The following ALPK2 variants were observed in gnomAD, a reference collection of about 807,000 sequenced individuals.
ALPK2 encodes the protein alpha kinase 2.
In ALPK2, 127 loss-of-function variants were observed where a neutral mutation model predicts 163.1. The observed-to-expected ratio is 0.78, with a 90% confidence interval of 0.67 to 0.90. ALPK2 has a LOEUF of 0.90. Ranked by LOEUF, ALPK2 falls within the 40% of genes least tolerant of loss-of-function variation. ALPK2 has a pLI of 0.00. For synonymous variants in ALPK2, 953 were observed against 959.1 expected, an observed-to-expected ratio of 0.99 and a Z score of 0.12; for missense variants, 2,360 against 2,589.6, an observed-to-expected ratio of 0.91 and a Z score of 1.92.
At chr18:58,510,841 T>A (rs1280433938) in intron 10 of ALPK2, among the ~76,000 whole-genome samples, 2 of 152,210 alleles carry the variant, frequency 1.3e-5, no homozygotes, top group African/African-American at 4.8e-5. Flanking sequence ...ACAGGGACAA[T>A]TTGACTTTCT....
At chr18:58,601,672 T>C (rs1474571772) in intron 3 of ALPK2, among the ~76,000 whole-genome samples, 1 of 152,036 alleles carries the variant, frequency 6.6e-6, no homozygotes, top group Non-Finnish European at 1.5e-5. Flanking sequence ...CCAACAGCAA[T>C]ATCCACTGCC....
chr18:58,605,835 G>T (rs143145459), intron 3 of ALPK2, among the ~76,000 whole-genome samples: 1 of 152,230 alleles, frequency 6.6e-6, no homozygotes, highest in Non-Finnish European at 1.5e-5. Context: ...GGCTTTCTTT[G>T]TTCACCACTG....
At chr18:58,543,553 G>T (rs2144155451) in intron 4 of ALPK2, among the ~76,000 whole-genome samples, 1 of 152,306 alleles carries the variant, frequency 6.6e-6, no homozygotes, top group Non-Finnish European at 1.5e-5. Flanking sequence ...TGGGGCCCAT[G>T]GCTGAGGCAG....
intron 4 of ALPK2, among the ~76,000 whole-genome samples, chr18:58,550,884 C>A (rs1218239360): frequency 6.6e-6 from 1 of 150,510 alleles, no homozygotes; most frequent in African/African-American, 2.4e-5. Context: ...CCATCACATA[C>A]AACCCCATCC....
At chr18:58,548,431 C>G (rs1473372805) in intron 4 of ALPK2, among the ~76,000 whole-genome samples, 1 of 152,036 alleles carries the variant, frequency 6.6e-6, no homozygotes, top group Non-Finnish European at 1.5e-5. Flanking sequence ...AGTGATTCTC[C>G]TGCCTCAGCC....
intron 5 of ALPK2, 78 bp from the exon 6 acceptor site, chr18:58,529,316 G>T (rs1602202669): frequency 7.4e-7 from 1 of 1,356,680 alleles, no homozygotes; most frequent in East Asian, 2.4e-5. Context: ...TAACAATCCT[G>T]AGAGACAGGA....
chr18:58,583,250 C>A (rs1468928479), intron 3 of ALPK2, among the ~76,000 whole-genome samples: 1 of 152,084 alleles, frequency 6.6e-6, no homozygotes, highest in East Asian at 1.9e-4. Context: ...ACAGAGTCTG[C>A]TGTGAGTCTT....
At position 58,529,185 on chromosome 18, in the gene ALPK2, T is replaced by C. The variant is rs769331430; in HGVS notation, c.5407A>G (p.Asn1803Asp). Residue 1803 changes from asparagine (N) to aspartate (D), a missense_variant, in exon 6 of 13, where the codon AAT (asparagine) becomes GAT (aspartate). Transcript: ENST00000361673. ...GCAAATTGGCAGCTTAATTTTACAT[T>C]TCCAGAGTGTTCAGGGAACATCTCA... ...QAEMFPEHSGNVKLSCQFAEI... is the reference protein window; with the variant it reads ...QAEMFPEHSGDVKLSCQFAEI... 1.9e-6 allele frequency: 3 copies of C among 1,614,066 alleles called. No individual in the cohort carries two copies. The Admixed American group carries it at 5.0e-5, about 27-fold the overall frequency.
At chr18:58,626,455 C>G (rs1200807177) in intron 1 of ALPK2, among the ~76,000 whole-genome samples, 1 of 152,136 alleles carries the variant, frequency 6.6e-6, no homozygotes, top group Non-Finnish European at 1.5e-5. Context: ...CCACTCCCGC[C>G]CCCACCTCTC....
intron 1 of ALPK2, among the ~76,000 whole-genome samples, chr18:58,614,012 C>G (rs2052150672): frequency 6.6e-6 from 1 of 152,230 alleles, no homozygotes; most frequent in South Asian, 2.1e-4. Context: ...CACCTACACT[C>G]TGTAAATATC....
intron 4 of ALPK2, among the ~76,000 whole-genome samples, chr18:58,545,391 C>T: frequency 6.6e-6 from 1 of 152,172 alleles, no homozygotes; most frequent in East Asian, 1.9e-4. Context: ...CTGGGCAGCT[C>T]CTGGTAGGGA....
intron 9 of ALPK2, among the ~76,000 whole-genome samples, chr18:58,515,894 C>G (rs879310760): frequency 1.3e-5 from 2 of 152,152 alleles, no homozygotes; most frequent in Admixed American, 6.5e-5. Flanking sequence ...ACTTTCTTGA[C>G]AGCTACACCA....
chr18:58,535,576 G>C lies in ALPK2; in HGVS notation c.4611C>G (p.Pro1537=). The change falls in exon 5 of 13, where the codon CCC becomes CCG. Residue 1537 remains proline, a synonymous_variant. Transcript: ENST00000361673. ...SKKDKAELIS[P]TSPLSSCLPI... Reference sequence around the variant, plus strand: ...GAAGACAACTAGAAAGAGGTGAAGTGGGGGAAATCAATTCTGCTTTGTCCT... The same window carrying C: ...GAAGACAACTAGAAAGAGGTGAAGTCGGGGAAATCAATTCTGCTTTGTCCT... 1 of 1,614,170 alleles carries C rather than the reference G, an allele frequency of 6.2e-7. No homozygotes were observed. The highest frequency in any genetic ancestry group is 8.5e-7 in the Non-Finnish European group (1 of 1,180,026).
intron 3 of ALPK2, 42 bp downstream of exon 3, chr18:58,607,280 T>G: frequency 7.2e-7 from 1 of 1,392,076 alleles, no homozygotes; most frequent in Non-Finnish European, 1.0e-6. Context: ...TGACAGAATA[T>G]AAGGATATTA....
At chr18:58,562,878 C>T (rs1229313749) in intron 4 of ALPK2, among the ~76,000 whole-genome samples, 1 of 152,304 alleles carries the variant, frequency 6.6e-6, no homozygotes, top group African/African-American at 2.4e-5. Context: ...TCTGGTGTCT[C>T]TCCTTACAAG....
chr18:58,539,624 G>A (rs1435737831), intron 4 of ALPK2, among the ~76,000 whole-genome samples: 1 of 152,222 alleles, frequency 6.6e-6, no homozygotes. Context: ...ACATTCAGAT[G>A]TGCAGGGAAC....
In ALPK2 at chr18:58,536,189, A is replaced by T. The variant is rs755133135; in HGVS notation, c.3998T>A (p.Phe1333Tyr). 6.2e-6 allele frequency: 10 copies of T among 1,614,076 alleles called. No homozygotes were observed. In the South Asian group the frequency reaches 9.9e-5, roughly 16 times the overall value. ...TGACTCCAGGAGTCTGGGTTGGCTG[A>T]AACCCCGGGAAGAAAGACTTCTCCA... ...VHWRSLSSRG[F>Y]SQPRLLESSV... The change falls in exon 5 of 13, where the codon TTC (phenylalanine) becomes TAC (tyrosine). Residue 1333 changes from phenylalanine to tyrosine, a missense_variant. Transcript: ENST00000361673.
chr18:58,502,504 T>C (rs1467352865), intron 11 of ALPK2, among the ~76,000 whole-genome samples: 2 of 152,240 alleles, frequency 1.3e-5, no homozygotes, highest in Non-Finnish European at 2.9e-5. Context: ...GCCCACAGGC[T>C]ACCAGGCTGG....
Position 58,535,013 on chromosome 18 carries a change from T to A in ALPK2, c.5174A>T (p.Glu1725Val). The A allele has an allele frequency of 6.2e-7, 1 of 1,614,164 alleles. No homozygotes were observed. Among genetic ancestry groups the A allele is most frequent in the Non-Finnish European group, 8.5e-7 (1 of 1,180,006 alleles). ...GGACAAAATTTTCTTCTTTACTCCC[T>A]CAGCTAAATGTCCACTGCCTGGGGC... ...PEAPGSGHLAEGVKKKILSRV... is the reference protein window; with the variant it reads ...PEAPGSGHLAVGVKKKILSRV... The change falls in exon 5 of 13, where the codon GAG (glutamate) becomes GTG (valine). Residue 1725 changes from glutamate to valine, a missense_variant. Coordinates refer to ENST00000361673, the MANE Select transcript of ALPK2 (RefSeq NM_052947.4).
Sources: gnomAD v4.1 joint callset for allele counts (sites outside exome capture counted in the v4.1 genomes callset) on GRCh38, gnomAD v4.1.1 for gene constraint, MANE v1.5 for transcripts, NCBI Gene and HGNC (gene_info 2026-07-23, HGNC 2026-07-21) for gene names.